SLC25A26: variants seen among roughly 807,000 people sequenced by gnomAD.
The protein encoded by SLC25A26 is mitochondrial S-adenosylmethionine carrier protein.
SLC25A26 carries 36 observed loss-of-function variants against 37.8 expected under a neutral mutation model. That is an observed-to-expected ratio of 0.95 (90% CI 0.73 to 1.26). SLC25A26 has a LOEUF of 1.26. Ranked by LOEUF, SLC25A26 falls within the 50% of genes most tolerant of loss-of-function variation. The probability of loss-of-function intolerance (pLI) is 0.00; values close to 1 mark genes in which losing one functional copy is unlikely to be tolerated. For synonymous variants in SLC25A26, 129 were observed against 122.5 expected (o/e 1.05, Z -0.35); for missense variants, 390 against 331.1 (o/e 1.18, Z -1.38).
At chr3:66,346,715 CGTGTGTGT>C (rs34944870) in intron 6 of SLC25A26, among the ~76,000 whole-genome samples, 3,650 of 138,938 alleles carry the variant, frequency 0.026, 70 homozygotes, top group African/African-American at 0.058. Flanking sequence ...TTGCTGTGTG[CGTGTGTGT>C]GTGTGTGTGT....
intron 5 of SLC25A26, among the ~76,000 whole-genome samples, chr3:66,320,056 G>T (rs540426876): frequency 6.6e-6 from 1 of 152,202 alleles, no homozygotes; most frequent in East Asian, 1.9e-4. Context: ...ACAAATAATT[G>T]AGACTAAACT....
chr3:66,139,798 G>T (rs147041840), intron 1 of SLC25A26, among the ~76,000 whole-genome samples: 2 of 152,054 alleles, frequency 1.3e-5, no homozygotes, highest in Non-Finnish European at 2.9e-5. Flanking sequence ...CGCTAAAGCC[G>T]TGGGTCAGGC....
chr3:66,224,176 A>G (rs1353535708), intron 1 of SLC25A26, among the ~76,000 whole-genome samples: 1 of 152,268 alleles, frequency 6.6e-6, no homozygotes, highest in Non-Finnish European at 1.5e-5. Flanking sequence ...GGGGAAAAAA[A>G]GCCAGATTGA....
intron 1 of SLC25A26, among the ~76,000 whole-genome samples, chr3:66,165,848 C>T (rs2070417935): frequency 6.6e-6 from 1 of 152,040 alleles, no homozygotes; most frequent in Non-Finnish European, 1.5e-5. Flanking sequence ...AGGTGTCCAA[C>T]ATTAGGAAAC....
rs112008704 is a variant in SLC25A26 at position 66,142,825 on chromosome 3, G to A, written c.-354+8841G>A. 3.7e-3 allele frequency among the ~76,000 whole-genome samples: 560 copies of A among 152,228 alleles called. 1 individual carries two copies. The highest frequency in any genetic ancestry group is 0.012 in the African/African-American group (512 of 41,540). ...GTCACCCAGGCTGGAGTACAGTGGT[G>A]TGATCTTAGCTTGCTGTAACCCCAA... On this transcript the variant is annotated intron_variant, in intron 1 of 10. Coordinates refer to the SLC25A26 transcript ENST00000676754.
intron 5 of SLC25A26, among the ~76,000 whole-genome samples, chr3:66,295,263 G>A (rs143663313): frequency 6.6e-6 from 1 of 152,098 alleles, no homozygotes; most frequent in East Asian, 1.9e-4. Context: ...CCGCACTTTT[G>A]GCTGGGCTGG....
At chr3:66,282,967 C>T (rs1257994171) in intron 5 of SLC25A26, among the ~76,000 whole-genome samples, 1 of 152,208 alleles carries the variant, frequency 6.6e-6, no homozygotes, top group Non-Finnish European at 1.5e-5. Context: ...AGATTGCCTT[C>T]TGTCACTCAG....
chr3:66,256,343 A>G (rs145522549), intron 3 of SLC25A26, among the ~76,000 whole-genome samples: 2 of 152,256 alleles, frequency 1.3e-5, no homozygotes, highest in South Asian at 2.1e-4. Flanking sequence ...ATCAAGGCTG[A>G]TAGGTTGCCA....
intron 1 of SLC25A26, among the ~76,000 whole-genome samples, chr3:66,211,819 C>A (rs1416055261): frequency 6.6e-5 from 10 of 152,112 alleles, no homozygotes; most frequent in African/African-American, 2.4e-4. Context: ...TAAAATATAA[C>A]ATAAAAATGA....
intron 1 of SLC25A26, among the ~76,000 whole-genome samples, chr3:66,224,141 C>T (rs1216383361): frequency 6.6e-6 from 1 of 152,150 alleles, no homozygotes; most frequent in African/African-American, 2.4e-5. Flanking sequence ...CTAATTAAAG[C>T]TATGTTAAAA....
intron 7 of SLC25A26, among the ~76,000 whole-genome samples, chr3:66,368,389 CAG>C (rs1272504173): frequency 3.3e-5 from 5 of 152,146 alleles, no homozygotes; most frequent in South Asian, 4.1e-4. Context: ...TATGTTAAAA[CAG>C]AAAGTCCTTC....
chr3:66,335,187 G>T (rs1238061574), intron 5 of SLC25A26, among the ~76,000 whole-genome samples: 1 of 152,188 alleles, frequency 6.6e-6, no homozygotes, highest in Non-Finnish European at 1.5e-5. Flanking sequence ...CCAAATTATG[G>T]TTGTGAAGCA....
chr3:66,297,859 CTTAGA>C (rs2074955230), intron 5 of SLC25A26, among the ~76,000 whole-genome samples: 1 of 152,156 alleles, frequency 6.6e-6, no homozygotes, highest in Admixed American at 6.5e-5. Flanking sequence ...TGTGCTGTGC[CTTAGA>C]TTAGATTTCC....
chr3:66,297,964 A>C (rs1440055513), intron 5 of SLC25A26, among the ~76,000 whole-genome samples: 1 of 152,244 alleles, frequency 6.6e-6, no homozygotes, highest in African/African-American at 2.4e-5. Flanking sequence ...TCAAATTTGC[A>C]AATTATGAAA....
intron 1 of SLC25A26, among the ~76,000 whole-genome samples, chr3:66,190,676 G>A (rs1308242991): frequency 3.9e-5 from 6 of 152,248 alleles, no homozygotes; most frequent in Non-Finnish European, 7.4e-5. Context: ...TGATTGACCC[G>A]CCTCAGCCTC....
chr3:66,338,505 T>TA (rs760224123), intron 5 of SLC25A26, among the ~76,000 whole-genome samples: 3 of 151,690 alleles, frequency 2.0e-5, no homozygotes, highest in Non-Finnish European at 2.9e-5. Flanking sequence ...TTGCGGCTTC[T>TA]AAAAAAAAAT....
At chr3:66,221,815 A>G (rs185664991) in intron 1 of SLC25A26, among the ~76,000 whole-genome samples, 4 of 150,884 alleles carry the variant, frequency 2.7e-5, no homozygotes. Context: ...TTAACAAAAC[A>G]GAGTTTGGCT....
intron 5 of SLC25A26, among the ~76,000 whole-genome samples, chr3:66,339,845 CAT>C (rs897765945): frequency 6.6e-6 from 1 of 152,162 alleles, no homozygotes; most frequent in Non-Finnish European, 1.5e-5. Flanking sequence ...CATTGATGCA[CAT>C]ATGTTTTTAA....
At chr3:66,187,009 G>A (rs1488636966) in intron 1 of SLC25A26, among the ~76,000 whole-genome samples, 1 of 151,724 alleles carries the variant, frequency 6.6e-6, no homozygotes, top group African/African-American at 2.4e-5. Flanking sequence ...ACCTGATTCT[G>A]ACACTCAAGC....
Sources: gnomAD v4.1 joint callset for allele counts (sites outside exome capture counted in the v4.1 genomes callset) on GRCh38, gnomAD v4.1.1 for gene constraint, MANE v1.5 for transcripts, NCBI Gene and HGNC (gene_info 2026-07-23, HGNC 2026-07-21) for gene names.